PDE4D: variants seen among roughly 807,000 people sequenced by gnomAD.
PDE4D encodes 3',5'-cyclic-AMP phosphodiesterase 4D.
PDE4D carries 24 observed loss-of-function variants against 87.4 expected under a neutral mutation model. The ratio of observed to expected loss-of-function variants is 0.27; its 90% CI spans 0.20 to 0.39. PDE4D has a LOEUF of 0.39. Among genes scored for constraint, PDE4D ranks in the 10% least tolerant of loss-of-function variants. PDE4D has a pLI of 1.00. For synonymous variants in PDE4D, 384 were observed against 383.2 expected (o/e 1.00, Z -0.02); for missense variants, 714 against 1,041.0 (o/e 0.69, Z 4.32).
chr5:59,395,012 C>A (rs186768650), intron 1 of PDE4D, among the ~76,000 whole-genome samples: 1 of 152,156 alleles, frequency 6.6e-6, no homozygotes, highest in African/African-American at 2.4e-5. Context: ...CCGAATACTG[C>A]GCTTTTCCGA....
intron 2 of PDE4D, among the ~76,000 whole-genome samples, chr5:60,103,543 T>C (rs1356753368): frequency 6.6e-6 from 1 of 152,168 alleles, no homozygotes; most frequent in Non-Finnish European, 1.5e-5. Context: ...ACTGTTACCA[T>C]TGCTAGAATT....
At chr5:59,487,679 G>A (rs558193984) in intron 1 of PDE4D, among the ~76,000 whole-genome samples, 10 of 151,972 alleles carry the variant, frequency 6.6e-5, no homozygotes, top group South Asian at 2.1e-4. Flanking sequence ...AAAACATGCC[G>A]GAAAGGAGGC....
chr5:59,967,869 G>A (rs1198804962), intron 3 of PDE4D, among the ~76,000 whole-genome samples: 1 of 151,530 alleles, frequency 6.6e-6, no homozygotes, highest in African/African-American at 2.4e-5. Flanking sequence ...ATAGTAGATT[G>A]CATAAAGAAA....
chr5:59,221,080 C>T (rs1581451469), intron 1 of PDE4D, among the ~76,000 whole-genome samples: 1 of 152,180 alleles, frequency 6.6e-6, no homozygotes, highest in East Asian at 1.9e-4. Context: ...CTGTATTTTC[C>T]ATTCGACCAT....
At position 59,992,829 on chromosome 5, in the gene PDE4D, G is replaced by A. The variant is rs569552726; in HGVS notation, c.43-4112C>T. 5.9e-5 allele frequency among the ~76,000 whole-genome samples: 9 copies of A among 152,210 alleles called. No individual in the cohort carries two copies. The South Asian group carries it at 1.7e-3, about 28-fold the overall frequency. ...TTATCTTTACAATAAAAATGATAAA[G>A]CACTAGAGGGCTATATTCTAACATT... On this transcript the variant is annotated intron_variant, in intron 2 of 16. Transcript: ENST00000502484.
chr5:59,427,310 C>T (rs1310404335), intron 1 of PDE4D, among the ~76,000 whole-genome samples: 1 of 149,770 alleles, frequency 6.7e-6, no homozygotes, highest in Non-Finnish European at 1.5e-5. Context: ...CACACACACA[C>T]ACACACACAC....
intron 2 of PDE4D, among the ~76,000 whole-genome samples, chr5:60,153,696 T>TAATCCTGCCATATGCAAC (rs1386159373): frequency 2.0e-5 from 3 of 152,178 alleles, no homozygotes; most frequent in African/African-American, 7.2e-5. Context: ...AAAAAGAAGT[T>TAATCCTGCCATATGCAAC]AATCCTGCCA....
At chr5:60,073,956 T>C (rs1053798264) in intron 2 of PDE4D, among the ~76,000 whole-genome samples, 3 of 152,058 alleles carry the variant, frequency 2.0e-5, no homozygotes, top group South Asian at 2.1e-4. Context: ...ATCTGTCTTA[T>C]TAATTTTTCA....
At chr5:60,379,283 C>A (rs1331996579) in intron 1 of PDE4D, among the ~76,000 whole-genome samples, 1 of 151,862 alleles carries the variant, frequency 6.6e-6, no homozygotes, top group Non-Finnish European at 1.5e-5. Context: ...TTTAGAAACA[C>A]TTTCATGAAA....
chr5:60,403,994 G>C (rs1020498110), intron 1 of PDE4D, among the ~76,000 whole-genome samples: 3 of 152,054 alleles, frequency 2.0e-5, no homozygotes, highest in Non-Finnish European at 2.9e-5. Flanking sequence ...TTATATAAAT[G>C]ACAAGCATTT....
intron 1 of PDE4D, among the ~76,000 whole-genome samples, chr5:59,800,420 T>A (rs887097052): frequency 3.2e-4 from 49 of 152,284 alleles, no homozygotes; most frequent in Admixed American, 3.0e-3. Flanking sequence ...GATATGTGTA[T>A]CAAGTGCTGC....
chr5:59,727,767 G>A (rs1298298067), intron 1 of PDE4D, among the ~76,000 whole-genome samples: 2 of 152,060 alleles, frequency 1.3e-5, no homozygotes, highest in Non-Finnish European at 2.9e-5. Context: ...AAGACCCATT[G>A]ATAGAGTTGC....
intron 3 of PDE4D, among the ~76,000 whole-genome samples, chr5:59,982,400 T>A (rs1762012656): frequency 6.6e-6 from 1 of 152,106 alleles, no homozygotes; most frequent in African/African-American, 2.4e-5. Flanking sequence ...CTCCCCCACA[T>A]TTTCTTCATT....
At chr5:59,187,256 A>G (rs1160268322) in intron 3 of PDE4D, among the ~76,000 whole-genome samples, 1 of 152,140 alleles carries the variant, frequency 6.6e-6, no homozygotes, top group Non-Finnish European at 1.5e-5. Flanking sequence ...CTTCTAATTT[A>G]ATAAGTAATC....
intron 1 of PDE4D, among the ~76,000 whole-genome samples, chr5:60,465,047 T>G (rs1489707481): frequency 6.6e-6 from 1 of 152,076 alleles, no homozygotes; most frequent in Non-Finnish European, 1.5e-5. Flanking sequence ...AGTTCAAGGT[T>G]GCAGTGAGTT....
chr5:59,400,088 T>G (rs1790295569), intron 1 of PDE4D, among the ~76,000 whole-genome samples: 1 of 113,084 alleles, frequency 8.8e-6, no homozygotes, highest in African/African-American at 3.7e-5. Context: ...AAACAACAGG[T>G]GCTGGAGAGG....
intron 2 of PDE4D, among the ~76,000 whole-genome samples, chr5:60,052,334 C>T (rs544686556): frequency 9.9e-5 from 15 of 152,074 alleles, no homozygotes; most frequent in Admixed American, 2.0e-4. Context: ...AAAAAGCTTA[C>T]GCACCATGAT....
intron 1 of PDE4D, among the ~76,000 whole-genome samples, chr5:59,442,294 C>A (rs184384436): frequency 6.6e-6 from 1 of 152,150 alleles, no homozygotes; most frequent in African/African-American, 2.4e-5. Flanking sequence ...TTGTGGGGAA[C>A]ATCAAATAGT....
intron 2 of PDE4D, among the ~76,000 whole-genome samples, chr5:60,117,333 G>A (rs1778259777): frequency 6.6e-6 from 1 of 151,188 alleles, no homozygotes; most frequent in Non-Finnish European, 1.5e-5. Context: ...AGTATCTTTA[G>A]ATACTAGATA....
Sources: allele counts gnomAD v4.1 joint callset (sites outside exome capture counted in the v4.1 genomes callset), GRCh38; gene constraint gnomAD v4.1.1; transcripts MANE v1.5; gene names NCBI Gene and HGNC (gene_info 2026-07-23, HGNC 2026-07-21).